The following CNTNAP5 variants were observed in gnomAD, a reference collection of about 807,000 sequenced individuals.
CNTNAP5 encodes the protein contactin-associated protein-like 5.
In CNTNAP5, 72 loss-of-function variants were observed where a neutral mutation model predicts 150.2. That is an observed-to-expected ratio of 0.48 (90% CI 0.40 to 0.58). The LOEUF (loss-of-function observed/expected upper bound fraction) is 0.58. Among genes scored for constraint, CNTNAP5 ranks in the 20% least tolerant of loss-of-function variants. The pLI is 0.00. For missense variants in CNTNAP5, 1,636 were observed against 1,626.2 expected (o/e 1.01, Z -0.10); for synonymous variants, 672 against 619.8 (o/e 1.08, Z -1.25).
At chr2:124,547,926 C>T (rs1315291351) in intron 10 of CNTNAP5, among the ~76,000 whole-genome samples, 4 of 152,168 alleles carry the variant, frequency 2.6e-5, no homozygotes, top group Non-Finnish European at 5.9e-5. Context: ...TGTGTCTCTT[C>T]CTGCTGTTTA....
chr2:124,282,095 A>T (rs113071431), intron 3 of CNTNAP5, among the ~76,000 whole-genome samples: 1 of 152,120 alleles, frequency 6.6e-6, no homozygotes, highest in African/African-American at 2.4e-5. Context: ...GCTGCTAAAA[A>T]GTTTAGACAT....
chr2:124,393,846 A>G (rs963383837), intron 3 of CNTNAP5, among the ~76,000 whole-genome samples: 1 of 152,210 alleles, frequency 6.6e-6, no homozygotes, highest in Non-Finnish European at 1.5e-5. Flanking sequence ...GGCACATTGA[A>G]GTTTTGTGAT....
intron 1 of CNTNAP5, among the ~76,000 whole-genome samples, chr2:124,179,083 C>T (rs1279402252): frequency 6.6e-6 from 1 of 151,718 alleles, no homozygotes; most frequent in Non-Finnish European, 1.5e-5. Context: ...ATTCCATACC[C>T]CACCCAGCCC....
At chr2:124,262,299 T>C (rs757983724) in intron 3 of CNTNAP5, among the ~76,000 whole-genome samples, 2 of 152,066 alleles carry the variant, frequency 1.3e-5, no homozygotes, top group African/African-American at 2.4e-5. Context: ...TGATGAAAGA[T>C]ATATAATAGA....
At chr2:124,818,534 A>G (rs1431461284) in intron 19 of CNTNAP5, among the ~76,000 whole-genome samples, 1 of 151,832 alleles carries the variant, frequency 6.6e-6, no homozygotes, top group African/African-American at 2.4e-5. Context: ...CCTGTCTCTT[A>G]AAAAAAATAC....
At chr2:124,315,814 G>T (rs1342442537) in intron 3 of CNTNAP5, among the ~76,000 whole-genome samples, 2 of 151,914 alleles carry the variant, frequency 1.3e-5, no homozygotes, top group Non-Finnish European at 2.9e-5. Context: ...TACCACTTTA[G>T]GAATTTAGGT....
chr2:124,537,236 C>G (rs1318389714), intron 10 of CNTNAP5, among the ~76,000 whole-genome samples: 1 of 152,176 alleles, frequency 6.6e-6, no homozygotes, highest in African/African-American at 2.4e-5. Context: ...GAGATTAGGC[C>G]TGTCCTGGCA....
chr2:124,496,712 C>T (rs1421880445), intron 7 of CNTNAP5, among the ~76,000 whole-genome samples: 1 of 152,136 alleles, frequency 6.6e-6, no homozygotes, highest in Non-Finnish European at 1.5e-5. Context: ...GGCGGGACAG[C>T]CACACCTGAC....
In CNTNAP5 at chr2:124,348,249, C is replaced by G. The variant is rs563130850; in HGVS notation, c.382-69194C>G. ...TTTTTCAGGTTGGTCATTGCTAATA[C>G]ATATAAGAAAACAGAATTTTCAAAT... On this transcript the variant is annotated intron_variant, in intron 3 of 23. Transcript: ENST00000682447. Among the ~76,000 whole-genome samples, 328 of 152,210 alleles carry G rather than the reference C, an allele frequency of 2.2e-3. 1 individual carries two copies. The highest frequency in any genetic ancestry group is 7.6e-3 in the African/African-American group (317 of 41,524).
At chr2:124,045,169 C>A (rs1347230619) in intron 1 of CNTNAP5, among the ~76,000 whole-genome samples, 1 of 152,038 alleles carries the variant, frequency 6.6e-6, no homozygotes, top group Non-Finnish European at 1.5e-5. Flanking sequence ...AGGGAAAAAG[C>A]AAACAAGCAA....
At chr2:124,662,041 C>A (rs1272576406) in intron 13 of CNTNAP5, among the ~76,000 whole-genome samples, 1 of 152,046 alleles carries the variant, frequency 6.6e-6, no homozygotes, top group African/African-American at 2.4e-5. Context: ...GTGATCTTCC[C>A]CTCCCTGTGT....
intron 3 of CNTNAP5, among the ~76,000 whole-genome samples, chr2:124,256,351 A>G (rs368268667): frequency 2.6e-5 from 4 of 152,284 alleles, no homozygotes; most frequent in African/African-American, 9.6e-5. Flanking sequence ...TTGCTATTAC[A>G]TGGTGCTTAT....
At chr2:124,206,518 G>C (rs1685866222) in intron 1 of CNTNAP5, among the ~76,000 whole-genome samples, 1 of 152,128 alleles carries the variant, frequency 6.6e-6, no homozygotes, top group African/African-American at 2.4e-5. Context: ...AGCTCTCTTT[G>C]TGTGCTATCA....
At chr2:124,685,994 T>C (rs1679186457) in intron 13 of CNTNAP5, among the ~76,000 whole-genome samples, 1 of 152,110 alleles carries the variant, frequency 6.6e-6, no homozygotes, top group East Asian at 1.9e-4. Flanking sequence ...TCACAGTTGT[T>C]TTGAAGCAAT....
chr2:124,576,040 A>G lies in CNTNAP5; in HGVS notation c.1756+12717A>G, dbSNP rs572406817. On this transcript the variant is annotated intron_variant, in intron 11 of 23. Coordinates refer to ENST00000682447, the MANE Select transcript of CNTNAP5 (RefSeq NM_001367498.1). ...TTAAAGATCCTCACACTACGTCCCC[A>G]TTTGCTCTCAAACTAGCTTGTAAAT... 5.3e-5 allele frequency among the ~76,000 whole-genome samples: 8 copies of G among 152,186 alleles called. No homozygotes were observed. In the South Asian group the frequency reaches 1.7e-3, roughly 32 times the overall value.
At chr2:124,827,713 G>A (rs532800683) in intron 19 of CNTNAP5, among the ~76,000 whole-genome samples, 17 of 152,100 alleles carry the variant, frequency 1.1e-4, no homozygotes, top group South Asian at 6.2e-4. Context: ...CTTTTTTATC[G>A]TAATTACCAA....
At chr2:124,142,664 C>G (rs1420636104) in intron 1 of CNTNAP5, among the ~76,000 whole-genome samples, 23 of 129,628 alleles carry the variant, frequency 1.8e-4, no homozygotes, top group East Asian at 7.2e-4. Context: ...ATTTATAGCA[C>G]TAAATGCCTA....
intron 1 of CNTNAP5, among the ~76,000 whole-genome samples, chr2:124,181,513 G>T (rs940922770): frequency 1.3e-5 from 2 of 151,662 alleles, no homozygotes; most frequent in African/African-American, 2.4e-5. Context: ...CCTATCTCCT[G>T]GTATATTTTT....
chr2:124,270,857 T>G (rs1312973958), intron 3 of CNTNAP5, among the ~76,000 whole-genome samples: 1 of 152,156 alleles, frequency 6.6e-6, no homozygotes, highest in African/African-American at 2.4e-5. Flanking sequence ...CTCTTCCACC[T>G]CAATCCTCCC....
Sources: allele counts gnomAD v4.1 joint callset (sites outside exome capture counted in the v4.1 genomes callset), GRCh38; gene constraint gnomAD v4.1.1; transcripts MANE v1.5; gene names NCBI Gene and HGNC (gene_info 2026-07-23, HGNC 2026-07-21).